The following RBL1 variants were observed in gnomAD, a reference collection of about 807,000 sequenced individuals.
The protein encoded by RBL1 is RB transcriptional corepressor like 1, also known as retinoblastoma-like protein 1.
RBL1 carries 82 observed loss-of-function variants against 123.0 expected under a neutral mutation model. The observed-to-expected ratio is 0.67, with a 90% CI of 0.56 to 0.80. The LOEUF (loss-of-function observed/expected upper bound fraction) is 0.80, where lower values mean the gene tolerates loss of function less well. Ranked by LOEUF, RBL1 falls within the 30% of genes least tolerant of loss-of-function variation. The pLI, the probability that RBL1 is intolerant of heterozygous loss-of-function variation, is 0.00. For synonymous variants in RBL1, 405 were observed against 441.3 expected, an observed-to-expected ratio of 0.92 and a Z score of 1.03; for missense variants, 1,171 against 1,299.6, an observed-to-expected ratio of 0.90 and a Z score of 1.52.
chr20:37,022,780 A>G lies in RBL1; in HGVS notation c.2429T>C (p.Leu810Pro). Residue 810 changes from leucine to proline, a missense_variant, in exon 17 of 22, where the codon CTG (leucine) becomes CCG (proline). Leu to Pro is a moderately conservative substitution (Grantham distance 98, BLOSUM62 -3). Transcript: ENST00000373664. ...CCTTCGTAACTCATTTGAAACATCC[A>G]GTTTTAGACATAGATCACGTAAGCG... ...SVRLRDLCLK[L>P]DVSNELRRKI... is the part of the protein sequence containing the mutation. 6 of 1,613,672 alleles carry G rather than the reference A, an allele frequency of 3.7e-6. No individual in the cohort carries two copies. Among genetic ancestry groups the G allele is most frequent in the Non-Finnish European group, 5.1e-6 (6 of 1,179,690 alleles).
At chr20:37,043,162 G>GCA (rs147834827) in intron 13 of RBL1, among the ~76,000 whole-genome samples, 30,396 of 147,698 alleles carry the variant, frequency 0.21, 3,368 homozygotes, top group East Asian at 0.46. Flanking sequence ...ATGCGCGCGT[G>GCA]CACACACACA....
intron 11 of RBL1, among the ~76,000 whole-genome samples, chr20:37,050,264 C>A (rs756942263): frequency 6.8e-4 from 104 of 151,892 alleles, no homozygotes; most frequent in Non-Finnish European, 1.1e-3. Context: ...TAGAATAAGG[C>A]CGGGCGCAGT....
chr20:37,077,787 GAAAA>G (rs147186219), intron 2 of RBL1, among the ~76,000 whole-genome samples: 1 of 117,908 alleles, frequency 8.5e-6, no homozygotes, highest in Non-Finnish European at 1.8e-5. Flanking sequence ...TCTATTTTCT[GAAAA>G]AAAAAAAAAA....
In RBL1 at chr20:37,056,189, T is replaced by C. The variant is rs2065002479; in HGVS notation, c.1320A>G (p.Gln440=). ...GTTCATCTGTTGATTGAGTATAGTG[T>C]TGACAGAAAGTCTCTCCTATTCCTT... ...ILKGIGETFC[Q]HYTQSTDEQP... is the part of the protein sequence containing the mutation. The change falls in exon 10 of 22, where the codon CAA becomes CAG. Residue 440 remains glutamine, a synonymous_variant. Transcript: ENST00000373664. 1 of 1,611,344 alleles carries C rather than the reference T, an allele frequency of 6.2e-7. No individual in the cohort carries two copies. The highest frequency in any genetic ancestry group is 8.5e-7 in the Non-Finnish European group (1 of 1,179,858).
chr20:37,021,245 A>G (rs1397675154), intron 17 of RBL1, among the ~76,000 whole-genome samples: 1 of 152,146 alleles, frequency 6.6e-6, no homozygotes, highest in Non-Finnish European at 1.5e-5. Flanking sequence ...AAGAAAATGG[A>G]TTAGTGATCC....
At chr20:37,040,060 T>C (rs1221051847) in intron 14 of RBL1, 93 bp downstream of exon 14, 2 of 1,545,358 alleles carry the variant, frequency 1.3e-6, no homozygotes, top group Non-Finnish European at 1.8e-6. Context: ...ATTAGATTTC[T>C]TAATAACATA....
intron 14 of RBL1, among the ~76,000 whole-genome samples, chr20:37,036,057 G>A (rs2064605826): frequency 6.6e-6 from 1 of 152,132 alleles, no homozygotes; most frequent in Non-Finnish European, 1.5e-5. Context: ...TAATCTGAGG[G>A]TTGGCAGTAC....
At position 37,040,280 on chromosome 20, in the gene RBL1, T is replaced by C. The variant is rs1453492111; in HGVS notation, c.1776A>G (p.Ile592Met). The C allele has an allele frequency of 2.5e-6, 4 of 1,613,668 alleles. No individual in the cohort carries two copies. Among genetic ancestry groups the C allele is most frequent in the Middle Eastern group, 1.6e-4 (1 of 6,062 alleles). ...TTCCTGTTTCAAAGTTATTTGGGAA[T>C]ATAACCTGTAGAAAACAAAAACCCT... ...ANKVPTCEEV[I>M]FPNNFETGNG... The change falls in exon 14 of 22, where the codon ATA becomes ATG. Residue 592 changes from isoleucine (I) to methionine (M), a missense_variant. Transcript: ENST00000373664.
At chr20:37,095,418 G>T (rs549314063) in intron 1 of RBL1, among the ~76,000 whole-genome samples, 1 of 152,186 alleles carries the variant, frequency 6.6e-6, no homozygotes, top group Non-Finnish European at 1.5e-5. Flanking sequence ...TCTGGGCAGT[G>T]ATGTCTTGGC....
chr20:37,067,957 T>C (rs572671650), intron 3 of RBL1, 29 bp downstream of exon 3: 33 of 1,596,170 alleles, frequency 2.1e-5, no homozygotes, highest in South Asian at 1.3e-4. Flanking sequence ...ATAATCTTTA[T>C]GTCAATTATA....
At chr20:37,083,650 A>AAAAAAAAAAAG (rs2065492827) in intron 2 of RBL1, among the ~76,000 whole-genome samples, 1 of 145,986 alleles carries the variant, frequency 6.8e-6, no homozygotes, top group Non-Finnish European at 1.5e-5. Flanking sequence ...AAAAAAAAAA[A>AAAAAAAAAAAG]AAAATACAGG....
chr20:37,081,410 G>A (rs1177105897), intron 2 of RBL1, among the ~76,000 whole-genome samples: 1 of 152,110 alleles, frequency 6.6e-6, no homozygotes, highest in African/African-American at 2.4e-5. Context: ...GGAGGCAAAG[G>A]CAGGAGGATC....
chr20:37,093,868 T>G (rs2065687405), intron 1 of RBL1, among the ~76,000 whole-genome samples: 3 of 152,086 alleles, frequency 2.0e-5, no homozygotes, highest in Non-Finnish European at 1.5e-5. Flanking sequence ...CTTGGACCCC[T>G]GACCTAAGGT....
rs759040626 is a variant in RBL1, at chr20:37,007,456, C to A, written c.2826G>T (p.Val942=). The A allele has an allele frequency of 1.2e-6, 2 of 1,613,914 alleles. No homozygotes were observed. Among genetic ancestry groups the A allele is most frequent in the Non-Finnish European group, 1.7e-6 (2 of 1,179,912 alleles). Residue 942 remains valine, a synonymous_variant, in exon 20 of 22, where the codon GTG becomes GTT. Coordinates refer to ENST00000373664, the MANE Select transcript of RBL1 (RefSeq NM_002895.5). The part of the protein sequence containing the change: ...KFYNTIYVGR[V]KSFALKYDLA... ...AGTCGTATTTCAGTGCAAATGACTT[C>A]ACTCTTCCTACATATATTGTATTGT...
At chr20:37,083,980 C>T (rs543244940) in intron 2 of RBL1, among the ~76,000 whole-genome samples, 41 of 146,676 alleles carry the variant, frequency 2.8e-4, no homozygotes, top group Admixed American at 2.7e-3. Flanking sequence ...ATCATCATAA[C>T]TCACTGCAGC....
intron 10 of RBL1, among the ~76,000 whole-genome samples, chr20:37,055,904 C>T (rs994998099): frequency 2.0e-5 from 3 of 151,662 alleles, no homozygotes; most frequent in East Asian, 1.9e-4. Context: ...CAAAATTAGC[C>T]GGTGTGGTGG....
intron 11 of RBL1, among the ~76,000 whole-genome samples, chr20:37,052,495 C>A (rs1201934479): frequency 6.6e-6 from 1 of 151,786 alleles, no homozygotes; most frequent in African/African-American, 2.4e-5. Flanking sequence ...CCATACCCGG[C>A]TAATTTTTGT....
intron 13 of RBL1, among the ~76,000 whole-genome samples, chr20:37,041,406 C>T (rs1020179037): frequency 6.6e-6 from 1 of 152,148 alleles, no homozygotes; most frequent in Non-Finnish European, 1.5e-5. Context: ...ACTGCAACCT[C>T]CGCCTCCTGG....
chr20:37,018,856 C>CAGG (rs11473374), intron 18 of RBL1, among the ~76,000 whole-genome samples: 91,095 of 151,500 alleles, frequency 0.6, 28,359 homozygotes, highest in African/African-American at 0.78. Flanking sequence ...GAGGCTGAGG[C>CAGG]AGAACTGCTT....
Sources: gnomAD v4.1 joint callset for allele counts (sites outside exome capture counted in the v4.1 genomes callset) on GRCh38, gnomAD v4.1.1 for gene constraint, MANE v1.5 for transcripts, NCBI Gene and HGNC (gene_info 2026-07-23, HGNC 2026-07-21) for gene names.